CTTNBP2: variants seen among roughly 807,000 people sequenced by gnomAD.
CTTNBP2 encodes cortactin-binding protein 2.
In CTTNBP2, 108 loss-of-function variants were observed where a neutral mutation model predicts 156.9. The observed-to-expected ratio is 0.69, with a 90% CI of 0.59 to 0.81. The LOEUF (loss-of-function observed/expected upper bound fraction) is 0.81, where lower values mean the gene tolerates loss of function less well. CTTNBP2 is among the 30% of genes least tolerant of loss of function. The pLI, the probability that CTTNBP2 is intolerant of heterozygous loss-of-function variation, is 0.00. For missense variants in CTTNBP2, 1,924 were observed against 2,035.4 expected (o/e 0.95, Z 1.05); for synonymous variants, 767 against 751.8 (o/e 1.02, Z -0.33).
chr7:117,823,179 C>A (rs1801069740), intron 2 of CTTNBP2, among the ~76,000 whole-genome samples: 1 of 151,908 alleles, frequency 6.6e-6, no homozygotes. Context: ...TAAATGCTAC[C>A]AACCAGTAGG....
intron 2 of CTTNBP2, among the ~76,000 whole-genome samples, chr7:117,854,776 A>C (rs1803167557): frequency 7.3e-6 from 1 of 137,648 alleles, no homozygotes; most frequent in African/African-American, 2.6e-5. Flanking sequence ...GATTTAATTA[A>C]TTAATTAATT....
chr7:117,852,536 T>C (rs1802997533), intron 2 of CTTNBP2, among the ~76,000 whole-genome samples: 1 of 152,162 alleles, frequency 6.6e-6, no homozygotes, highest in South Asian at 2.1e-4. Context: ...ATTAGAATCA[T>C]ACCCTAATTA....
chr7:117,742,331 G>A (rs936351121), intron 14 of CTTNBP2, among the ~76,000 whole-genome samples: 2 of 152,172 alleles, frequency 1.3e-5, no homozygotes, highest in Non-Finnish European at 2.9e-5. Flanking sequence ...CATGCAGAGT[G>A]GAAAAGCAAA....
chr7:117,859,867 T>C (rs912365444), intron 2 of CTTNBP2, among the ~76,000 whole-genome samples: 2 of 152,208 alleles, frequency 1.3e-5, no homozygotes, highest in Non-Finnish European at 2.9e-5. Context: ...GGATAATCAC[T>C]ACATCTGCTA....
intron 22 of CTTNBP2, chr7:117,715,985 T>G (rs899511633): frequency 2.0e-5 from 3 of 152,156 alleles, no homozygotes; most frequent in African/African-American, 7.2e-5. Context: ...AGTACCACTT[T>G]GCCCTCTGCT....
At chr7:117,723,169 T>A (rs531295466) in intron 19 of CTTNBP2, among the ~76,000 whole-genome samples, 97 of 152,302 alleles carry the variant, frequency 6.4e-4, no homozygotes, top group African/African-American at 2.3e-3. Context: ...AAAATACTGA[T>A]CTTTTTAAAA....
chr7:117,832,035 C>T (rs1313157390), intron 2 of CTTNBP2, among the ~76,000 whole-genome samples: 5 of 152,004 alleles, frequency 3.3e-5, no homozygotes, highest in Non-Finnish European at 7.4e-5. Context: ...TTCAACAAGC[C>T]CCCTGAAACT....
At chr7:117,853,600 A>G (rs112505231) in intron 2 of CTTNBP2, among the ~76,000 whole-genome samples, 2 of 152,304 alleles carry the variant, frequency 1.3e-5, no homozygotes, top group African/African-American at 4.8e-5. Context: ...ATGGAATTCT[A>G]AAAATGAACT....
chr7:117,735,130 C>T, intron 15 of CTTNBP2, 30 bp from the exon 16 acceptor site: 2 of 1,604,656 alleles, frequency 1.2e-6, no homozygotes, highest in South Asian at 1.1e-5. Flanking sequence ...AATGGCCCAT[C>T]CTCAGTGAGT....
intron 2 of CTTNBP2, among the ~76,000 whole-genome samples, chr7:117,848,362 C>T (rs1802729775): frequency 6.6e-6 from 1 of 152,114 alleles, no homozygotes; most frequent in Non-Finnish European, 1.5e-5. Context: ...ATCACTTCCA[C>T]CCCAGCTACT....
chr7:117,758,606 C>T (rs1797017558), intron 10 of CTTNBP2, among the ~76,000 whole-genome samples: 1 of 152,084 alleles, frequency 6.6e-6, no homozygotes, highest in South Asian at 2.1e-4. Flanking sequence ...CAGCATGCCT[C>T]CAATATACAT....
intron 8 of CTTNBP2, among the ~76,000 whole-genome samples, chr7:117,775,342 T>C (rs1478680270): frequency 6.6e-6 from 1 of 152,252 alleles, no homozygotes; most frequent in African/African-American, 2.4e-5. Context: ...CACATTTTCC[T>C]TGGACAATAT....
At chr7:117,848,455 A>G (rs1802738063) in intron 2 of CTTNBP2, among the ~76,000 whole-genome samples, 1 of 152,358 alleles carries the variant, frequency 6.6e-6, no homozygotes, top group South Asian at 2.1e-4. Flanking sequence ...ACAGTTTTAC[A>G]GTGATATTGT....
chr7:117,808,312 A>C (rs1444427690), intron 3 of CTTNBP2, among the ~76,000 whole-genome samples: 1 of 152,062 alleles, frequency 6.6e-6, no homozygotes, highest in Non-Finnish European at 1.5e-5. Context: ...TCCAAATATC[A>C]TTCCATCCTG....
chr7:117,738,763 G>A (rs573573728), intron 14 of CTTNBP2, among the ~76,000 whole-genome samples: 4 of 152,250 alleles, frequency 2.6e-5, no homozygotes, highest in African/African-American at 7.2e-5. Context: ...AGGTGGTGGG[G>A]CATGAGGGTG....
intron 2 of CTTNBP2, among the ~76,000 whole-genome samples, chr7:117,814,446 G>A (rs928405226): frequency 1.1e-4 from 16 of 152,052 alleles, no homozygotes; most frequent in African/African-American, 3.6e-4. Context: ...TTTATTTTGA[G>A]ATAGGGTCTT....
intron 19 of CTTNBP2, among the ~76,000 whole-genome samples, chr7:117,721,361 C>CTCGGT (rs1562950819): frequency 6.6e-6 from 1 of 152,222 alleles, no homozygotes; most frequent in Non-Finnish European, 1.5e-5. Context: ...TTTGATGGAA[C>CTCGGT]TCGGTACAAC....
chr7:117,735,088 G>C lies in CTTNBP2; in HGVS notation c.3701C>G (p.Ser1234Cys). ...GTTCTCATGAAAGTAATAACATTCGGACAGTCCATTTCCTGAAACAAACCA... is the reference window on the plus strand; with the variant it reads ...GTTCTCATGAAAGTAATAACATTCGCACAGTCCATTTCCTGAAACAAACCA... ...PCTFQKGNGL[S>C]ECYYFHENCF... is the part of the protein sequence containing the mutation. The change falls in exon 16 of 23, where the codon TCC (serine) becomes TGC (cysteine). Residue 1234 changes from serine to cysteine, a missense_variant. Coordinates refer to ENST00000160373, the MANE Select transcript of CTTNBP2 (RefSeq NM_033427.3). The C allele has an allele frequency of 6.2e-7, 1 of 1,613,102 alleles. No individual in the cohort carries two copies. Among genetic ancestry groups the C allele is most frequent in the East Asian group, 2.2e-5 (1 of 44,850 alleles).
chr7:117,819,419 T>C (rs1451004808), intron 2 of CTTNBP2, among the ~76,000 whole-genome samples: 2 of 148,238 alleles, frequency 1.3e-5, no homozygotes, highest in Non-Finnish European at 3.0e-5. Context: ...ACACACGGAA[T>C]GGCTGGGTGA....
Sources: gnomAD v4.1 joint callset for allele counts (sites outside exome capture counted in the v4.1 genomes callset) on GRCh38, gnomAD v4.1.1 for gene constraint, MANE v1.5 for transcripts, NCBI Gene and HGNC (gene_info 2026-07-23, HGNC 2026-07-21) for gene names.